SCN1A: variants seen among roughly 807,000 people sequenced by gnomAD.
SCN1A encodes the protein sodium channel protein type 1 subunit alpha.
A neutral mutation model predicts 193.7 loss-of-function variants in SCN1A; 13 were observed. That is an observed-to-expected ratio of 0.07 (90% CI 0.04 to 0.11). The LOEUF is 0.11. Ranked by LOEUF, SCN1A falls within the 10% of genes least tolerant of loss-of-function variation. The pLI is 1.00. For synonymous variants in SCN1A, 781 were observed against 843.6 expected (o/e 0.93, Z 1.29); for missense variants, 1,432 against 2,451.1 (o/e 0.58, Z 8.78).
At chr2:166,089,440 G>A (rs1286009339) in intron 2 of SCN1A, among the ~76,000 whole-genome samples, 1 of 152,040 alleles carries the variant, frequency 6.6e-6, no homozygotes, top group Non-Finnish European at 1.5e-5. Context: ...TAAAAGACAA[G>A]TATCTCTGGG....
chr2:166,123,750 T>A (rs1242319141), intron 2 of SCN1A, among the ~76,000 whole-genome samples: 1 of 152,246 alleles, frequency 6.6e-6, no homozygotes, highest in Non-Finnish European at 1.5e-5. Flanking sequence ...TTGAATGTTT[T>A]AAATTTATTT....
At chr2:166,056,918 T>C (rs1243794596) in intron 5 of SCN1A, among the ~76,000 whole-genome samples, 2 of 152,066 alleles carry the variant, frequency 1.3e-5, no homozygotes, top group Non-Finnish European at 2.9e-5. Flanking sequence ...GCCACTTATC[T>C]GCAATATTGT....
chr2:165,986,250 G>C lies in SCN1A; in HGVS notation c.*4995C>G, dbSNP rs566486360. 6.6e-6 allele frequency: 1 copy of C among 152,066 alleles called. No individual in the cohort carries two copies. The highest frequency in any genetic ancestry group is 2.1e-4 in the South Asian group (1 of 4,816). The allele number at this position is 152,066 out of a possible 1,614,324, so 9.4% of individuals were successfully genotyped here. On this transcript the variant is annotated 3_prime_UTR_variant, in exon 29 of 29. Coordinates refer to ENST00000674923, the MANE Select transcript of SCN1A (RefSeq NM_001165963.4). Reference sequence around the variant, plus strand: ...ATGTTCAGCTTTATAAATATTTATGGCATTATTCTTAATTTTCTGGCTTAA... The same window carrying C: ...ATGTTCAGCTTTATAAATATTTATGCCATTATTCTTAATTTTCTGGCTTAA...
intron 4 of SCN1A, among the ~76,000 whole-genome samples, chr2:166,059,706 A>G (rs1201975450): frequency 3.9e-5 from 6 of 152,168 alleles, no homozygotes; most frequent in Non-Finnish European, 7.3e-5. Context: ...TAGGATGCAT[A>G]TCTGCACAGA....
At chr2:166,056,542 C>T in intron 5 of SCN1A, 42 bp from the exon 6 acceptor site, 4 of 1,392,616 alleles carry the variant, frequency 2.9e-6, no homozygotes, top group East Asian at 2.3e-5. Context: ...AATCAAAATC[C>T]AAGTGTTATA....
In SCN1A at chr2:165,992,434, C is replaced by T. The variant is rs2105435765; in HGVS notation, c.4853-12G>A. On this transcript the variant is annotated splice_polypyrimidine_tract_variant and intron_variant, in intron 28 of 28. Coordinates refer to ENST00000674923, the MANE Select transcript of SCN1A (RefSeq NM_001165963.4). This position sits in a 1 kb window ranked among gnomAD's most constrained non-coding sequence, Gnocchi z 6.5. ...GGCAAGAAACATACCTATGAATAAA[C>T]AATGAGAATACCAACCAGTGAAGAA... 6.2e-7 allele frequency: 1 copy of T among 1,612,944 alleles called. No individual in the cohort carries two copies. Among genetic ancestry groups the T allele is most frequent in the Non-Finnish European group, 8.5e-7 (1 of 1,179,362 alleles).
chr2:165,995,617 A>C (rs764052864), intron 27 of SCN1A, among the ~76,000 whole-genome samples: 7 of 151,822 alleles, frequency 4.6e-5, no homozygotes, highest in Admixed American at 6.6e-5. Flanking sequence ...CATTTCTTAA[A>C]ATATTAGGAA....
At chr2:166,005,943 A>G (rs1236170016) in intron 23 of SCN1A, among the ~76,000 whole-genome samples, 1 of 151,386 alleles carries the variant, frequency 6.6e-6, no homozygotes, top group Non-Finnish European at 1.5e-5. Context: ...ATCATCAAAT[A>G]AAGTTTCTCT....
intron 2 of SCN1A, among the ~76,000 whole-genome samples, chr2:166,123,223 C>CAAAAAAAAAAAAAAAAAAAAA (rs57488795): frequency 8.6e-6 from 1 of 116,416 alleles, no homozygotes; most frequent in Non-Finnish European, 1.7e-5. Flanking sequence ...CATTCATTTG[C>CAAAAAAAAAAAAAAAAAAAAA]AAAAAAAAAA....
At chr2:166,109,095 TAATA>T (rs1689014933) in intron 2 of SCN1A, among the ~76,000 whole-genome samples, 1 of 152,210 alleles carries the variant, frequency 6.6e-6, no homozygotes, top group African/African-American at 2.4e-5. Context: ...AGCATTTGAT[TAATA>T]AATACATCTT....
At chr2:166,108,950 C>A (rs1688999303) in intron 2 of SCN1A, among the ~76,000 whole-genome samples, 1 of 152,148 alleles carries the variant, frequency 6.6e-6, no homozygotes, top group African/African-American at 2.4e-5. Context: ...CAATGATAAT[C>A]ATGTAAGCAG....
intron 2 of SCN1A, among the ~76,000 whole-genome samples, chr2:166,121,915 C>T (rs988699099): frequency 6.6e-6 from 1 of 152,088 alleles, no homozygotes; most frequent in Non-Finnish European, 1.5e-5. Flanking sequence ...GAACCACAAT[C>T]CAATATGACT....
At chr2:166,139,652 G>A (rs1393970066) in intron 1 of SCN1A, among the ~76,000 whole-genome samples, 1 of 152,164 alleles carries the variant, frequency 6.6e-6, no homozygotes, top group Admixed American at 6.5e-5. Flanking sequence ...CTGAGACTGG[G>A]TAATCATGGC....
chr2:166,127,588 G>A (rs1691389010), intron 1 of SCN1A, among the ~76,000 whole-genome samples, 183 bp downstream of exon 1: 1 of 151,728 alleles, frequency 6.6e-6, no homozygotes, highest in Non-Finnish European at 1.5e-5. Flanking sequence ...AAGGTTGAGA[G>A]AGGAGGGGGG....
chr2:166,079,763 C>T (rs1434917150), intron 2 of SCN1A, among the ~76,000 whole-genome samples: 1 of 151,104 alleles, frequency 6.6e-6, no homozygotes, highest in Non-Finnish European at 1.5e-5. Flanking sequence ...GAATTCTACA[C>T]TGACAAATAT....
intron 19 of SCN1A, among the ~76,000 whole-genome samples, chr2:166,026,528 T>C (rs1378774357): frequency 6.6e-6 from 1 of 152,136 alleles, no homozygotes; most frequent in Non-Finnish European, 1.5e-5. Flanking sequence ...ATAAGTATTT[T>C]TACAGATTTA....
intron 4 of SCN1A, among the ~76,000 whole-genome samples, chr2:166,072,837 C>CTTTTTTTTTTTTT (rs796420549): frequency 8.4e-6 from 1 of 119,462 alleles, no homozygotes; most frequent in East Asian, 2.6e-4. Flanking sequence ...TCTCTTCTTT[C>CTTTTTTTTTTTTT]TTTTTTTTTT....
chr2:166,052,464 C>T (rs1698674356), intron 8 of SCN1A, among the ~76,000 whole-genome samples: 1 of 151,914 alleles, frequency 6.6e-6, no homozygotes, highest in South Asian at 2.1e-4. Flanking sequence ...TCACACTATT[C>T]TTTATTGTCT....
intron 2 of SCN1A, among the ~76,000 whole-genome samples, chr2:166,121,999 G>T (rs1428015611): frequency 6.6e-6 from 1 of 152,186 alleles, no homozygotes; most frequent in Non-Finnish European, 1.5e-5. Flanking sequence ...GGAAAAGACA[G>T]ACATCAGCAA....
Sources: gnomAD v4.1 joint callset for allele counts (sites outside exome capture counted in the v4.1 genomes callset) on GRCh38, gnomAD v4.1.1 for gene constraint, Gnocchi (gnomAD v3.1) non-coding constraint, MANE v1.5 for transcripts, NCBI Gene and HGNC (gene_info 2026-07-23, HGNC 2026-07-21) for gene names.